The following TBCE variants were observed in gnomAD, a reference collection of about 807,000 sequenced individuals.
The protein encoded by TBCE is tubulin folding cofactor E.
A neutral mutation model predicts 77.0 loss-of-function variants in TBCE; 53 were observed. The observed-to-expected ratio is 0.69, with a 90% CI of 0.55 to 0.87. The LOEUF (loss-of-function observed/expected upper bound fraction) is 0.87. Among genes scored for constraint, TBCE ranks in the 40% least tolerant of loss-of-function variants. The pLI is 0.00. For missense variants in TBCE, 624 were observed against 622.4 expected (o/e 1.00, Z -0.03); for synonymous variants, 235 against 241.3 (o/e 0.97, Z 0.24).
At chr1:235,411,979 A>G (rs1430951705) in intron 3 of TBCE, among the ~76,000 whole-genome samples, 1 of 150,276 alleles carries the variant, frequency 6.7e-6, no homozygotes, top group Non-Finnish European at 1.5e-5. Flanking sequence ...GGTTATGTTC[A>G]TGTTGCTGGA....
chr1:235,402,047 C>T (rs1204972589), intron 3 of TBCE, among the ~76,000 whole-genome samples: 1 of 151,172 alleles, frequency 6.6e-6, no homozygotes, highest in Non-Finnish European at 1.5e-5. Flanking sequence ...AGTTACATGT[C>T]ACATTGCATT....
chr1:235,442,271 A>C (rs1303291322), intron 14 of TBCE, among the ~76,000 whole-genome samples: 1 of 152,156 alleles, frequency 6.6e-6, no homozygotes, highest in Non-Finnish European at 1.5e-5. Context: ...CCCGGGTTCA[A>C]GCGATTTTCG....
intron 4 of TBCE, chr1:235,415,193 A>G (rs1177207723): frequency 6.4e-6 from 1 of 155,660 alleles, no homozygotes; most frequent in African/African-American, 2.4e-5. Context: ...GGATCTTGCT[A>G]TGTTGCCCAG....
chr1:235,450,056 A>C lies in TBCE; in HGVS notation c.*1294A>C. On this transcript the variant is annotated 3_prime_UTR_variant, in exon 17 of 17. Transcript: ENST00000642610. The stretch of plus-strand genomic sequence containing the variant: ...TAAGGAAATTTGTGCAAACATTAAG[A>C]AACACCGCATTGGTTCTGGGTGAAA... 1 of 899,838 alleles carries C rather than the reference A, an allele frequency of 1.1e-6. No homozygotes were observed. The highest frequency in any genetic ancestry group is 1.6e-6 in the Non-Finnish European group (1 of 606,924). The allele number at this position is 899,838 out of a possible 1,614,324, so 55.7% of individuals were successfully genotyped here.
chr1:235,379,182 C>T (rs989027778), intron 1 of TBCE, among the ~76,000 whole-genome samples: 1 of 151,986 alleles, frequency 6.6e-6, no homozygotes, highest in Non-Finnish European at 1.5e-5. Flanking sequence ...CCCTTTCATT[C>T]TCATCTACTT....
intron 1 of TBCE, among the ~76,000 whole-genome samples, chr1:235,368,280 G>A (rs1323069338): frequency 6.6e-6 from 1 of 152,098 alleles, no homozygotes; most frequent in Non-Finnish European, 1.5e-5. Flanking sequence ...CCAAATGATG[G>A]TGTGACAGCC....
At chr1:235,436,277 G>A (rs775056589) in intron 9 of TBCE, 109 bp from the exon 10 acceptor site, 12 of 940,292 alleles carry the variant, frequency 1.3e-5, no homozygotes, top group Non-Finnish European at 1.9e-5. Context: ...ATTTTACATG[G>A]GATTAAAAAC....
chr1:235,423,403 C>T (rs1680516699), intron 5 of TBCE, among the ~76,000 whole-genome samples: 1 of 152,064 alleles, frequency 6.6e-6, no homozygotes, highest in Admixed American at 6.6e-5. Context: ...AACAATAACT[C>T]TAGGCTACAT....
chr1:235,374,475 G>A (rs1344588385), intron 1 of TBCE, among the ~76,000 whole-genome samples: 1 of 145,808 alleles, frequency 6.9e-6, no homozygotes, highest in African/African-American at 2.7e-5. Context: ...AGGGAAAGCA[G>A]AAATGGTAAC....
intron 2 of TBCE, among the ~76,000 whole-genome samples, chr1:235,390,606 C>T (rs1362586195): frequency 1.3e-5 from 2 of 151,790 alleles, no homozygotes; most frequent in African/African-American, 4.8e-5. Flanking sequence ...ACAAAAAATA[C>T]AAAAATTAGT....
Position 235,450,239 on chromosome 1 carries a change from C to G in TBCE, c.*1477C>G, listed in dbSNP as rs1057524072. The G allele has an allele frequency of 6.2e-7, 1 of 1,614,158 alleles. No homozygotes were observed. The highest frequency in any genetic ancestry group is 8.5e-7 in the Non-Finnish European group (1 of 1,180,026). On this transcript the variant is annotated 3_prime_UTR_variant, in exon 17 of 17. Coordinates refer to ENST00000642610, the MANE Select transcript of TBCE (RefSeq NM_003193.5). ...CTTGACATCGACAAGGATCACCGCA[C>G]CGTTCCTTCAGTTTCCACAGTTCCG...
At chr1:235,439,520 C>T (rs1681694910) in intron 13 of TBCE, among the ~76,000 whole-genome samples, 1 of 151,440 alleles carries the variant, frequency 6.6e-6, no homozygotes, top group South Asian at 2.1e-4. Flanking sequence ...GAGATGGAGT[C>T]TTGCTCTGTC....
chr1:235,409,477 C>T (rs918157270), intron 3 of TBCE, among the ~76,000 whole-genome samples: 5 of 152,058 alleles, frequency 3.3e-5, no homozygotes, highest in African/African-American at 1.2e-4. Flanking sequence ...GGCACCCATT[C>T]AGCTAGGGTT....
intron 1 of TBCE, among the ~76,000 whole-genome samples, chr1:235,373,094 G>T (rs1324914213): frequency 6.6e-6 from 1 of 152,000 alleles, no homozygotes; most frequent in Non-Finnish European, 1.5e-5. Flanking sequence ...AGCACTTTGG[G>T]AATCCTCAGG....
Position 235,437,469 on chromosome 1 carries a change from T to A in TBCE, c.1111T>A (p.Cys371Ser), listed in dbSNP as rs368212312. The part of the protein sequence containing the change: ...SIGQLKTLNK[C>S]EILPEERRRA... ...TGGCCAGCTGAAGACGCTGAACAAA[T>A]GTGAGGTGAGCACTGGCGTCATGAC... The change falls in exon 12 of 17, where the codon TGT becomes AGT. Residue 371 changes from cysteine (C) to serine (S), a missense_variant. By Grantham distance (112) the Cys-to-Ser change is moderately radical. Coordinates refer to ENST00000642610, the MANE Select transcript of TBCE (RefSeq NM_003193.5). The A allele has an allele frequency of 1.2e-6, 2 of 1,613,936 alleles. No homozygotes were observed. The highest frequency in any genetic ancestry group is 4.5e-5 in the East Asian group (2 of 44,882).
chr1:235,433,027 C>A, intron 7 of TBCE: 1 of 1,542,784 alleles, frequency 6.5e-7, no homozygotes, highest in Non-Finnish European at 8.7e-7. Context: ...GTGCGTGCTG[C>A]AGAAATGCTC....
intron 2 of TBCE, 113 bp downstream of exon 2, chr1:235,380,262 C>T: frequency 1.0e-6 from 1 of 1,001,894 alleles, no homozygotes; most frequent in Non-Finnish European, 1.5e-6. Flanking sequence ...CTTTATACCA[C>T]AAATTTTGAC....
intron 2 of TBCE, among the ~76,000 whole-genome samples, chr1:235,392,418 T>C (rs993898618): frequency 8.0e-5 from 12 of 149,192 alleles, no homozygotes; most frequent in South Asian, 4.3e-4. Flanking sequence ...TTTTTTTTTT[T>C]TTTTTTTTTT....
In TBCE at chr1:235,448,997, T is replaced by C. The variant is rs1682704964; in HGVS notation, c.*235T>C. Reference sequence around the variant, plus strand: ...TTTTCTGATCTTATTTCATATTTATTTTTACAGCTCATCACTGCATTTCAT... The same window carrying C: ...TTTTCTGATCTTATTTCATATTTATCTTTACAGCTCATCACTGCATTTCAT... On this transcript the variant is annotated 3_prime_UTR_variant, in exon 17 of 17. Transcript: ENST00000642610. 4.5e-6 allele frequency: 2 copies of C among 449,092 alleles called. No homozygotes were observed. Among genetic ancestry groups the C allele is most frequent in the Non-Finnish European group, 8.2e-6 (2 of 243,582 alleles). 27.8% of individuals were successfully genotyped at this position (449,092 alleles called of 1,614,324 possible). A position where few individuals can be genotyped will look rare whatever the true frequency, so the allele number is the denominator to read the frequency against.
Sources: allele counts gnomAD v4.1 joint callset (sites outside exome capture counted in the v4.1 genomes callset), GRCh38; gene constraint gnomAD v4.1.1; transcripts MANE v1.5; gene names NCBI Gene and HGNC (gene_info 2026-07-23, HGNC 2026-07-21).